Variants in FAM199X observed in about 807,000 individuals in gnomAD.
The protein encoded by FAM199X is protein FAM199X.
In FAM199X, 4 loss-of-function variants were observed where a neutral mutation model predicts 22.9. That is an observed-to-expected ratio of 0.17 (90% CI 0.09 to 0.40). FAM199X has a LOEUF of 0.40. Ranked by LOEUF, FAM199X falls within the 10% of genes least tolerant of loss-of-function variation. FAM199X has a pLI of 1.00. For synonymous variants in FAM199X, 101 were observed against 112.3 expected (o/e 0.90, Z 0.64); for missense variants, 183 against 306.8 (o/e 0.60, Z 3.01).
intron 2 of FAM199X, among the ~76,000 whole-genome samples, chrX:104,178,087 C>A (rs939229053): frequency 7.2e-5 from 8 of 111,879 alleles, no homozygotes; most frequent in African/African-American, 2.6e-4. Flanking sequence ...AGGTCTTTGA[C>A]CATTTTGAGT....
intron 2 of FAM199X, among the ~76,000 whole-genome samples, chrX:104,184,190 C>T (rs2147895702): frequency 8.9e-6 from 1 of 112,415 alleles, no homozygotes; most frequent in South Asian, 3.6e-4. Context: ...CTTAACACTG[C>T]TTTGAATCCC....
At chrX:104,180,643 C>A (rs1921628206) in intron 2 of FAM199X, among the ~76,000 whole-genome samples, 1 of 111,320 alleles carries the variant, frequency 9.0e-6, no homozygotes, top group African/African-American at 3.3e-5. Context: ...ACTCTATTAC[C>A]ATGGATATCT....
chrX:104,174,142 C>T (rs1210868594), intron 1 of FAM199X, among the ~76,000 whole-genome samples: 1 of 109,900 alleles, frequency 9.1e-6, no homozygotes, highest in African/African-American at 3.3e-5. Context: ...GGGCATGTTG[C>T]ACCTGTGGTC....
At chrX:104,158,633 C>T in the FAM199X span, among the ~76,000 whole-genome samples, 2 of 111,875 alleles carry the variant, frequency 1.8e-5, no homozygotes, top group East Asian at 5.6e-4. Context: ...TAAAACAAAA[C>T]AGGAATTCCC....
the FAM199X span, among the ~76,000 whole-genome samples, chrX:104,158,903 C>T: frequency 8.9e-6 from 1 of 112,010 alleles, no homozygotes; most frequent in Non-Finnish European, 1.9e-5. Context: ...ACCCATCACT[C>T]CACACCTAGG....
Position 104,166,640 on chromosome X carries a change from C to G in FAM199X, c.-146C>G. ...GGCCCCGCACCCCGGCAAGCAGCAG[C>G]GGGCCGCGACGCCCAGCCTGCCAGT... is the stretch of plus-strand genomic sequence containing the variant. On this transcript the variant is annotated 5_prime_UTR_variant, in exon 1 of 6. Transcript: ENST00000493442. The G allele has an allele frequency of 2.0e-6, 1 of 490,897 alleles. No homozygotes were observed. Among genetic ancestry groups the G allele is most frequent in the Non-Finnish European group, 3.2e-6 (1 of 314,761 alleles). 40.5% of individuals were successfully genotyped at this position (490,897 alleles called of 1,213,427 possible). A position where few individuals can be genotyped will look rare whatever the true frequency, so the allele number is the denominator to read the frequency against.
upstream of FAM199X, among the ~76,000 whole-genome samples, chrX:104,161,854 A>G (rs955000722): frequency 2.1e-4 from 23 of 111,323 alleles, no homozygotes; most frequent in African/African-American, 3.6e-4. Context: ...ACCAAAAAAA[A>G]AAGAAGAAGA....
chrX:104,176,337 T>C (rs1363717364), intron 2 of FAM199X, among the ~76,000 whole-genome samples: 2 of 112,385 alleles, frequency 1.8e-5, no homozygotes, highest in African/African-American at 6.5e-5. Flanking sequence ...TTGTGGCATA[T>C]ATACCATGTA....
At chrX:104,167,025 G>A in intron 1 of FAM199X, 43 bp downstream of exon 1, 1 of 1,062,449 alleles carries the variant, frequency 9.4e-7, no homozygotes. Flanking sequence ...TTCCACTTCT[G>A]GTCGCCCCCC....
rs921526925 is a variant in FAM199X, at chrX:104,192,451, C to T, written c.*2673C>T. 9.0e-6 allele frequency: 1 copy of T among 111,620 alleles called. No individual in the cohort carries two copies. Among genetic ancestry groups the T allele is most frequent in the Non-Finnish European group, 1.9e-5 (1 of 52,925 alleles). The allele number at this position is 111,620 out of a possible 1,213,427, so 9.2% of individuals were successfully genotyped here. A position where few individuals can be genotyped will look rare whatever the true frequency, so the allele number is the denominator to read the frequency against. On this transcript the variant is annotated 3_prime_UTR_variant, in exon 6 of 6. Transcript: ENST00000493442. ...TTTAAGTCTCCCCTTTGAAAATAAGCCTTGTTAACTGAGGGCGTAATACAT... is the reference window on the plus strand; with the variant it reads ...TTTAAGTCTCCCCTTTGAAAATAAGTCTTGTTAACTGAGGGCGTAATACAT...
At chrX:104,158,440 G>T in the FAM199X span, among the ~76,000 whole-genome samples, 5 of 111,907 alleles carry the variant, frequency 4.5e-5, no homozygotes, top group Non-Finnish European at 7.5e-5. Context: ...TCATCCCACC[G>T]TTCTGTAAAG....
chrX:104,171,075 G>A (rs1411519541), intron 1 of FAM199X, among the ~76,000 whole-genome samples: 1 of 111,142 alleles, frequency 9.0e-6, no homozygotes, highest in Non-Finnish European at 1.9e-5. Flanking sequence ...TCATTGGCTG[G>A]ATTCTTATCT....
chrX:104,172,403 G>A (rs963647289), intron 1 of FAM199X, among the ~76,000 whole-genome samples: 2 of 107,331 alleles, frequency 1.9e-5, no homozygotes, highest in East Asian at 5.8e-4. Context: ...TTGGTTGACA[G>A]AGCAAGACCC....
chrX:104,176,073 C>T (rs1167048385), intron 2 of FAM199X, among the ~76,000 whole-genome samples: 1 of 111,269 alleles, frequency 9.0e-6, no homozygotes, highest in East Asian at 2.8e-4. Flanking sequence ...TTATTTAATA[C>T]TTGCGTAATA....
chrX:104,181,561 A>G (rs967656103), intron 2 of FAM199X, among the ~76,000 whole-genome samples: 1 of 112,321 alleles, frequency 8.9e-6, no homozygotes, highest in Non-Finnish European at 1.9e-5. Flanking sequence ...ATGTCTTACA[A>G]CTTACTGAAA....
chrX:104,167,110 C>T lies in FAM199X; in HGVS notation c.197+128C>T, dbSNP rs782749571. On this transcript the variant is annotated intron_variant, in intron 1 of 5. Coordinates refer to ENST00000493442, the MANE Select transcript of FAM199X (RefSeq NM_207318.4). ...CCTGCTTTCGACCAGCGCTCATTCC[C>T]GGCCTCCTTCCCTGCCCCCCCTCCC... The T allele has an allele frequency of 3.5e-5, 19 of 547,351 alleles. No individual in the cohort carries two copies. The East Asian group carries it at 5.4e-4, about 16-fold the overall frequency. 45.1% of individuals were successfully genotyped at this position (547,351 alleles called of 1,213,427 possible).
the FAM199X span, among the ~76,000 whole-genome samples, chrX:104,159,040 A>G: frequency 8.9e-6 from 1 of 112,334 alleles, no homozygotes; most frequent in Non-Finnish European, 1.9e-5. Context: ...GGTAGCACGG[A>G]AAGACTTTTT....
the FAM199X span, among the ~76,000 whole-genome samples, chrX:104,159,497 C>T: frequency 8.9e-6 from 1 of 112,491 alleles, no homozygotes; most frequent in South Asian, 3.7e-4. Context: ...CATCCTTAGT[C>T]GTACTCATAG....
At chrX:104,157,441 C>T in the FAM199X span, among the ~76,000 whole-genome samples, 1 of 111,396 alleles carries the variant, frequency 9.0e-6, no homozygotes. Flanking sequence ...CCTGAGCTCC[C>T]GCGTTCGAAT....
Sources: allele counts gnomAD v4.1 joint callset (sites outside exome capture counted in the v4.1 genomes callset), GRCh38; gene constraint gnomAD v4.1.1; transcripts MANE v1.5; gene names NCBI Gene and HGNC (gene_info 2026-07-23, HGNC 2026-07-21).